Variants in CEP57L1 observed in about 807,000 individuals in gnomAD.
CEP57L1 encodes the protein centrosomal protein 57 like 1, also known as centrosomal protein CEP57L1.
A neutral mutation model predicts 61.0 loss-of-function variants in CEP57L1; 37 were observed. The observed-to-expected ratio is 0.61, with a 90% CI of 0.47 to 0.80. The LOEUF is 0.80. Among genes scored for constraint, CEP57L1 ranks in the 30% least tolerant of loss-of-function variants. CEP57L1 has a pLI of 0.00. For synonymous variants in CEP57L1, 137 were observed against 162.3 expected (o/e 0.84, Z 1.19); for missense variants, 422 against 524.7 (o/e 0.80, Z 1.91).
chr6:109,116,159 G>T (rs1434953980), intron 1 of CEP57L1, among the ~76,000 whole-genome samples: 1 of 150,966 alleles, frequency 6.6e-6, no homozygotes, highest in African/African-American at 2.4e-5. Context: ...GTTATGTTAT[G>T]TTATGTTATG....
intron 4 of CEP57L1, among the ~76,000 whole-genome samples, chr6:109,153,288 C>G (rs1296570991): frequency 1.7e-5 from 2 of 120,496 alleles, no homozygotes; most frequent in East Asian, 5.6e-4. Flanking sequence ...GTTGCCCAGA[C>G]TGGAGTGCGG....
intron 1 of CEP57L1, among the ~76,000 whole-genome samples, chr6:109,113,816 G>C (rs1297176526): frequency 2.0e-5 from 3 of 152,082 alleles, no homozygotes; most frequent in Admixed American, 2.0e-4. Context: ...TGACTGCCAT[G>C]TTAAAAAGTC....
chr6:109,108,736 T>C (rs1310205262), intron 1 of CEP57L1, among the ~76,000 whole-genome samples: 1 of 152,188 alleles, frequency 6.6e-6, no homozygotes, highest in Non-Finnish European at 1.5e-5. Context: ...CCCTCCTTAT[T>C]TCTTGAATTA....
At chr6:109,161,023 T>C (rs1362052804) in intron 10 of CEP57L1, among the ~76,000 whole-genome samples, 1 of 152,190 alleles carries the variant, frequency 6.6e-6, no homozygotes, top group East Asian at 1.9e-4. Context: ...GTTACCCTTT[T>C]AGCATTCTTT....
At chr6:109,149,677 G>A (rs1772376079) in intron 3 of CEP57L1, among the ~76,000 whole-genome samples, 1 of 152,100 alleles carries the variant, frequency 6.6e-6, no homozygotes, top group South Asian at 2.1e-4. Flanking sequence ...TAGCTTGATG[G>A]GGATGGCATT....
intron 1 of CEP57L1, among the ~76,000 whole-genome samples, chr6:109,106,410 A>G (rs1276600462): frequency 6.6e-6 from 1 of 152,108 alleles, no homozygotes; most frequent in Non-Finnish European, 1.5e-5. Flanking sequence ...AAATAATACT[A>G]CTGATAGTGG....
At chr6:109,161,704 T>G (rs1243704019) in intron 10 of CEP57L1, among the ~76,000 whole-genome samples, 2 of 152,144 alleles carry the variant, frequency 1.3e-5, no homozygotes, top group African/African-American at 4.8e-5. Context: ...GTACACTTAC[T>G]TGAAATTGCA....
rs12196762 is a variant in CEP57L1 at position 109,142,954 on chromosome 6, T to G, written c.-3-2265T>G. The stretch of plus-strand genomic sequence containing the variant: ...TGTTCACTGTCTCTCTTGCTCTCTC[T>G]CTCTCTCTCTCTCTCTCTCTCTCTC... On this transcript the variant is annotated intron_variant, in intron 1 of 10. Transcript: ENST00000517392. 1.8e-3 allele frequency among the ~76,000 whole-genome samples: 54 copies of G among 30,186 alleles called. 1 individual carries two copies. Among genetic ancestry groups the G allele is most frequent in the Admixed American group, 3.2e-3 (8 of 2,508 alleles). The allele number at this position is 30,186 out of a possible 152,430, so 19.8% of individuals were successfully genotyped here.
rs527537114 is a variant in CEP57L1, at chr6:109,169,828, A to G, written c.*6858A>G. On this transcript the variant is annotated 3_prime_UTR_variant, in exon 11 of 11. Coordinates refer to ENST00000517392, the MANE Select transcript of CEP57L1 (RefSeq NM_001271852.3). Reference sequence around the variant, plus strand: ...GAAGAGAGCAAAGATCTGTTATTTGACAAACCCTATTTTTCCGAGCATCAA... The same window carrying G: ...GAAGAGAGCAAAGATCTGTTATTTGGCAAACCCTATTTTTCCGAGCATCAA... 7.7e-4 allele frequency among the ~76,000 whole-genome samples: 117 copies of G among 152,318 alleles called. No individual in the cohort carries two copies. The highest frequency in any genetic ancestry group is 2.7e-3 in the African/African-American group (114 of 41,574).
intron 1 of CEP57L1, among the ~76,000 whole-genome samples, chr6:109,135,723 A>C (rs958992601): frequency 4.6e-5 from 7 of 152,210 alleles, no homozygotes; most frequent in Admixed American, 3.9e-4. Context: ...TACAAGAAAA[A>C]AACAAACAGC....
intron 1 of CEP57L1, chr6:109,100,228 C>T (rs754165792): frequency 1.3e-5 from 2 of 151,878 alleles, no homozygotes; most frequent in Admixed American, 6.6e-5. Context: ...AAATGTGTGA[C>T]GCAAGAATAA....
Position 109,137,939 on chromosome 6 carries a change from T to C in CEP57L1, c.-3-7280T>C, listed in dbSNP as rs143964239. 2.6e-4 allele frequency among the ~76,000 whole-genome samples: 40 copies of C among 152,304 alleles called. No individual in the cohort carries two copies. The East Asian group carries it at 6.8e-3, about 26-fold the overall frequency. On this transcript the variant is annotated intron_variant, in intron 1 of 10. Coordinates refer to ENST00000517392, the MANE Select transcript of CEP57L1 (RefSeq NM_001271852.3). Reference sequence around the variant, plus strand: ...TCAGCAGATACAGAGCAGGTGACAATTGAGCAGAGACCTGAAGGGAGAGAA... The same window carrying C: ...TCAGCAGATACAGAGCAGGTGACAACTGAGCAGAGACCTGAAGGGAGAGAA...
intron 9 of CEP57L1, 39 bp downstream of exon 9, chr6:109,159,501 G>T: frequency 6.4e-7 from 1 of 1,571,008 alleles, no homozygotes; most frequent in Non-Finnish European, 8.7e-7. Flanking sequence ...AAGAGACAGT[G>T]TCTCGCTATG....
rs1166994459 is a variant in CEP57L1 at position 109,164,613 on chromosome 6, C to T, written c.*1643C>T. On this transcript the variant is annotated 3_prime_UTR_variant, in exon 11 of 11. Coordinates refer to ENST00000517392, the MANE Select transcript of CEP57L1 (RefSeq NM_001271852.3). ...CTCCTTGAGGATATGAGTTTTATAG[C>T]TTAAGCTTAGCTTTTTGCTAAACTT... Among the ~76,000 whole-genome samples the T allele has an allele frequency of 6.6e-6, 1 of 152,070 alleles. No individual in the cohort carries two copies. Among genetic ancestry groups the T allele is most frequent in the Non-Finnish European group, 1.5e-5 (1 of 68,002 alleles).
At chr6:109,152,767 G>A (rs1399363851) in intron 4 of CEP57L1, among the ~76,000 whole-genome samples, 1 of 151,816 alleles carries the variant, frequency 6.6e-6, no homozygotes, top group Non-Finnish European at 1.5e-5. Flanking sequence ...TAATGAGTAT[G>A]TTTGGTCACC....
intron 1 of CEP57L1, among the ~76,000 whole-genome samples, chr6:109,104,369 A>G (rs1039715737): frequency 6.6e-6 from 1 of 152,142 alleles, no homozygotes. Context: ...CATTATACAT[A>G]TGTCCAGATA....
In CEP57L1 at chr6:109,169,519, C is replaced by T. The variant is rs1373178093; in HGVS notation, c.*6549C>T. ...CATGTGTTTTACAGATAACAAGTCTCATTTTAATCAATACTGTTGCATTTC... is the reference window on the plus strand; with the variant it reads ...CATGTGTTTTACAGATAACAAGTCTTATTTTAATCAATACTGTTGCATTTC... On this transcript the variant is annotated 3_prime_UTR_variant, in exon 11 of 11. Transcript: ENST00000517392. Among the ~76,000 whole-genome samples the T allele has an allele frequency of 2.0e-5, 3 of 152,188 alleles. No individual in the cohort carries two copies. Among genetic ancestry groups the T allele is most frequent in the Non-Finnish European group, 4.4e-5 (3 of 68,036 alleles).
Position 109,150,219 on chromosome 6 carries a change from A to G in CEP57L1, c.442A>G (p.Asn148Asp), listed in dbSNP as rs752017033. ...GGTTCTCAACGTAGAGCGAGAAAAG[A>G]ACATGATCCTAGAACAACAGGTGAG... Reference protein sequence around the residue: ...RMVLNVEREKNMILEQQAQLQ... With the variant: ...RMVLNVEREKDMILEQQAQLQ... Residue 148 changes from asparagine to aspartate, a missense_variant, in exon 4 of 11, where the codon AAC (asparagine) becomes GAC (aspartate). Coordinates refer to ENST00000517392, the MANE Select transcript of CEP57L1 (RefSeq NM_001271852.3). 4 of 1,602,986 alleles carry G rather than the reference A, an allele frequency of 2.5e-6. No individual in the cohort carries two copies. In the South Asian group the frequency reaches 4.4e-5, roughly 18 times the overall value.
chr6:109,110,664 A>G (rs1771498267), intron 1 of CEP57L1, among the ~76,000 whole-genome samples: 1 of 152,176 alleles, frequency 6.6e-6, no homozygotes, highest in African/African-American at 2.4e-5. Context: ...TTTAGGTCTT[A>G]TGTTTAAGTC....
Sources: gnomAD v4.1 joint callset for allele counts (sites outside exome capture counted in the v4.1 genomes callset) on GRCh38, gnomAD v4.1.1 for gene constraint, MANE v1.5 for transcripts, NCBI Gene and HGNC (gene_info 2026-07-23, HGNC 2026-07-21) for gene names.